TJP1: variants seen among roughly 807,000 people sequenced by gnomAD.
The protein encoded by TJP1 is tight junction protein 1, also known as tight junction protein ZO-1.
In TJP1, 43 loss-of-function variants were observed where a neutral mutation model predicts 194.2. The observed-to-expected ratio is 0.22, with a 90% CI of 0.17 to 0.29. The LOEUF (loss-of-function observed/expected upper bound fraction) is 0.29. TJP1 is among the 10% of genes least tolerant of loss of function. The probability of loss-of-function intolerance (pLI) is 1.00; values close to 1 mark genes in which losing one functional copy is unlikely to be tolerated. For missense variants in TJP1, 1,971 were observed against 2,185.7 expected (o/e 0.90, Z 1.96); for synonymous variants, 801 against 779.0 (o/e 1.03, Z -0.47).
At position 29,716,825 on chromosome 15, in the gene TJP1, G is replaced by T. The variant is rs2042597780; in HGVS notation, c.3988C>A (p.Gln1330Lys). 1.2e-6 allele frequency: 2 copies of T among 1,600,868 alleles called. No individual in the cohort carries two copies. Among genetic ancestry groups the T allele is most frequent in the Non-Finnish European group, 1.7e-6 (2 of 1,169,230 alleles). The change falls in exon 23 of 28, where the codon CAA (glutamine) becomes AAA (lysine). Residue 1330 changes from glutamine to lysine, a missense_variant. Gln to Lys is a moderately conservative substitution (Grantham distance 53). This residue lies in a region of TJP1 where 1,108 missense variants were observed against 1,128.5 expected (regional missense o/e 0.98). Coordinates refer to ENST00000614355, the MANE Select transcript of TJP1 (RefSeq NM_001330239.4). ...TCAGGTGGCTTCAGTTGAGGTTTTT[G>T]AGGTTCTGGGATCCTAACAGATAAT... Reference protein sequence around the residue: ...DKTLYRIPEPQKPQLKPPEDI... With the variant: ...DKTLYRIPEPKKPQLKPPEDI...
At chr15:29,831,041 CA>C (rs1273772759) in intron 2 of TJP1, among the ~76,000 whole-genome samples, 1 of 151,994 alleles carries the variant, frequency 6.6e-6, no homozygotes, top group African/African-American at 2.4e-5. Context: ...TTCACAATAA[CA>C]AAAAAGAGCA....
At chr15:29,869,795 C>CTTTTTTTTTT (rs11318770) in intron 2 of TJP1, among the ~76,000 whole-genome samples, 15 of 55,998 alleles carry the variant, frequency 2.7e-4, no homozygotes, top group Non-Finnish European at 3.5e-4. Flanking sequence ...TTCTTTCTTT[C>CTTTTTTTTTT]TTTTTTTTTT....
chr15:29,911,298 T>C (rs1383069505), intron 2 of TJP1, among the ~76,000 whole-genome samples: 1 of 152,094 alleles, frequency 6.6e-6, no homozygotes, highest in African/African-American at 2.4e-5. Flanking sequence ...GTTTCTAGAA[T>C]GACTATCTCA....
chr15:29,811,245 A>T (rs1045546537), intron 1 of TJP1, among the ~76,000 whole-genome samples: 1 of 152,096 alleles, frequency 6.6e-6, no homozygotes, highest in African/African-American at 2.4e-5. Context: ...AAGGTAGTTA[A>T]GCAGCCTAGG....
intron 2 of TJP1, among the ~76,000 whole-genome samples, chr15:29,937,913 A>G (rs866362412): frequency 1.3e-5 from 2 of 152,248 alleles, no homozygotes; most frequent in African/African-American, 4.8e-5. Context: ...AATTAGATGA[A>G]TTAAAATGTG....
chr15:29,884,886 G>A (rs2053063413), intron 2 of TJP1, among the ~76,000 whole-genome samples: 1 of 152,166 alleles, frequency 6.6e-6, no homozygotes, highest in African/African-American at 2.4e-5. Context: ...CTTCACAGAG[G>A]AGGGGCTGTT....
In TJP1 at chr15:29,941,929, G is replaced by A. The variant is rs1374093878; in HGVS notation, c.306+14303C>T. Among the ~76,000 whole-genome samples the A allele has an allele frequency of 2.0e-5, 3 of 152,162 alleles. No individual in the cohort carries two copies. In the East Asian group the frequency reaches 5.8e-4, roughly 29 times the overall value. The stretch of plus-strand genomic sequence containing the variant: ...GCTGGTGCACTGGTCTGCATGAAGA[G>A]GCCGTGAGGAGGGAAGCGACTGGAG... On this transcript the variant is annotated intron_variant, in intron 2 of 28. Transcript: ENST00000356107.
chr15:29,760,231 T>C (rs1375402273), intron 8 of TJP1: 1 of 702,336 alleles, frequency 1.4e-6, no homozygotes, highest in Non-Finnish European at 2.6e-6. Context: ...ATGCAATTGC[T>C]GCGTGTATGT....
chr15:29,733,203 A>C lies in TJP1; in HGVS notation c.1627T>G (p.Phe543Val). ...YGLSFNKGEV[F>V]RVVDTLYNGK... ...TTGTACAAGGTATCCACAACACGGA[A>C]CACCTCTCCTTTGTTAAAACTAAGT... is the stretch of plus-strand genomic sequence containing the variant. The change falls in exon 13 of 28, where the codon TTC becomes GTC. Residue 543 changes from phenylalanine (F) to valine (V), a missense_variant. Around this residue, in one of 5 missense-constraint regions of TJP1, gnomAD observed 402 missense variants for 484.2 expected, o/e 0.83. Coordinates refer to ENST00000614355, the MANE Select transcript of TJP1 (RefSeq NM_001330239.4). The C allele has an allele frequency of 6.2e-7, 1 of 1,614,136 alleles. No individual in the cohort carries two copies. Among genetic ancestry groups the C allele is most frequent in the Non-Finnish European group, 8.5e-7 (1 of 1,180,018 alleles).
chr15:29,961,331 A>G (rs573260004), intron 1 of TJP1, among the ~76,000 whole-genome samples: 193 of 83,392 alleles, frequency 2.3e-3, no homozygotes, highest in Non-Finnish European at 3.4e-3. Context: ...ACTTTTCCTA[A>G]TTCTTTTTTT....
At chr15:29,964,461 G>C (rs1017354084) in intron 1 of TJP1, among the ~76,000 whole-genome samples, 13 of 152,048 alleles carry the variant, frequency 8.5e-5, no homozygotes, top group African/African-American at 3.1e-4. Context: ...ACACAGAGAA[G>C]GTCATGTGAA....
At chr15:29,765,877 G>A (rs1318111332) in intron 5 of TJP1, among the ~76,000 whole-genome samples, 2 of 152,090 alleles carry the variant, frequency 1.3e-5, no homozygotes, top group Non-Finnish European at 1.5e-5. Context: ...GGGTGACAGA[G>A]CCAGACCTTG....
rs761241020 is a variant in TJP1 at position 29,773,374 on chromosome 15, A to G, written c.85-17T>C. On this transcript the variant is annotated splice_polypyrimidine_tract_variant and intron_variant, in intron 2 of 27. Coordinates refer to ENST00000614355, the MANE Select transcript of TJP1 (RefSeq NM_001330239.4). Reference sequence around the variant, plus strand: ...TCCAGGAGCCTAAAGTAAAAATTACAGTAAAATATTGCTATTAAGGACAAA... The same window carrying G: ...TCCAGGAGCCTAAAGTAAAAATTACGGTAAAATATTGCTATTAAGGACAAA... 10 of 1,612,320 alleles carry G rather than the reference A, an allele frequency of 6.2e-6. No homozygotes were observed. Among genetic ancestry groups the G allele is most frequent in the South Asian group, 1.1e-5 (1 of 90,920 alleles).
intron 9 of TJP1, among the ~76,000 whole-genome samples, chr15:29,742,281 G>C (rs2044473425): frequency 6.6e-6 from 1 of 151,304 alleles, no homozygotes; most frequent in Non-Finnish European, 1.5e-5. Context: ...AATAAATAAA[G>C]GTATACTCCA....
intron 8 of TJP1, among the ~76,000 whole-genome samples, chr15:29,748,921 A>AAT (rs1165401391): frequency 1.9e-5 from 2 of 107,810 alleles, no homozygotes; most frequent in African/African-American, 7.2e-5. Context: ...TAAGCTTAAA[A>AAT]ATGTGTGTGT....
intron 5 of TJP1, among the ~76,000 whole-genome samples, chr15:29,763,710 T>G (rs537291502): frequency 6.3e-5 from 9 of 141,818 alleles, no homozygotes; most frequent in African/African-American, 2.1e-4. Context: ...GAGGTTGCAG[T>G]GAACTGAGAT....
intron 2 of TJP1, among the ~76,000 whole-genome samples, chr15:29,797,561 G>T (rs1365249578): frequency 7.3e-6 from 1 of 137,074 alleles, no homozygotes; most frequent in African/African-American, 2.7e-5. Flanking sequence ...ACCTGATAAA[G>T]AATCTGTATC....
chr15:29,740,034 C>T (rs1284707107), intron 10 of TJP1, among the ~76,000 whole-genome samples: 3 of 151,764 alleles, frequency 2.0e-5, no homozygotes, highest in Non-Finnish European at 2.9e-5. Flanking sequence ...GTCACCCAGG[C>T]TAGAGTGCAG....
intron 2 of TJP1, among the ~76,000 whole-genome samples, chr15:29,944,353 C>T (rs2055199849): frequency 6.6e-6 from 1 of 152,078 alleles, no homozygotes; most frequent in African/African-American, 2.4e-5. Context: ...CCTTGGCCTC[C>T]CAAAGTGCTG....
Sources: gnomAD v4.1 joint callset for allele counts (sites outside exome capture counted in the v4.1 genomes callset) on GRCh38, gnomAD v4.1.1 for gene constraint, gnomAD v4.1.1 regional missense constraint, MANE v1.5 for transcripts, NCBI Gene and HGNC (gene_info 2026-07-23, HGNC 2026-07-21) for gene names.